The following KLHL15 variants were observed in gnomAD, a reference collection of about 807,000 sequenced individuals.
KLHL15 encodes kelch-like protein 15.
KLHL15 carries 1 observed loss-of-function variant against 29.3 expected under a neutral mutation model. That is an observed-to-expected ratio of 0.03 (90% CI 0.01 to 0.16). KLHL15 has a LOEUF of 0.16. KLHL15 is among the 10% of genes least tolerant of loss of function. The pLI is 1.00. For synonymous variants in KLHL15, 212 were observed against 184.5 expected, an observed-to-expected ratio of 1.15 and a Z score of -1.21; for missense variants, 215 against 478.5, an observed-to-expected ratio of 0.45 and a Z score of 5.14.
intron 3 of KLHL15, among the ~76,000 whole-genome samples, chrX:23,996,439 C>T (rs768465353): frequency 9.0e-6 from 1 of 111,541 alleles, no homozygotes; most frequent in African/African-American, 3.3e-5. Context: ...GCCAGGCGAG[C>T]GGATCATGAG....
Position 23,987,212 on chromosome X carries a change from G to A in KLHL15, c.*709C>T, listed in dbSNP as rs1929002596. ...TAAAAATGTTAATATGTGAAAAGACGTTACATCTAAAATTCAACAAGTATG... is the reference window on the plus strand; with the variant it reads ...TAAAAATGTTAATATGTGAAAAGACATTACATCTAAAATTCAACAAGTATG... On this transcript the variant is annotated 3_prime_UTR_variant, in exon 4 of 4. Coordinates refer to ENST00000328046, the MANE Select transcript of KLHL15 (RefSeq NM_030624.3). The A allele has an allele frequency of 9.0e-6, 1 of 111,708 alleles. No homozygotes were observed. The highest frequency in any genetic ancestry group is 3.2e-5 in the African/African-American group (1 of 30,821). The allele number at this position is 111,708 out of a possible 1,213,427, so 9.2% of individuals were successfully genotyped here. A position where few individuals can be genotyped will look rare whatever the true frequency, so the allele number is the denominator to read the frequency against.
At chrX:24,024,165 G>A (rs1246879154) in intron 2 of KLHL15, among the ~76,000 whole-genome samples, 2 of 112,041 alleles carry the variant, frequency 1.8e-5, no homozygotes, top group East Asian at 5.5e-4. Flanking sequence ...ATTTAAATAA[G>A]CAGTTAGCAC....
At position 23,987,822 on chromosome X, in the gene KLHL15, G is replaced by T; in HGVS notation, c.*99C>A. On this transcript the variant is annotated 3_prime_UTR_variant, in exon 4 of 4. Coordinates refer to ENST00000328046, the MANE Select transcript of KLHL15 (RefSeq NM_030624.3). The stretch of plus-strand genomic sequence containing the variant: ...CTTACAATGTTAGACCAATGGCTTT[G>T]ATAGTAAAACTGGTGAGGTTTTTCT... 2 of 804,774 alleles carry T rather than the reference G, an allele frequency of 2.5e-6. No homozygotes were observed. Among genetic ancestry groups the T allele is most frequent in the Non-Finnish European group, 3.5e-6 (2 of 564,287 alleles). The allele number at this position is 804,774 out of a possible 1,213,427, so 66.3% of individuals were successfully genotyped here. A position where few individuals can be genotyped will look rare whatever the true frequency, so the allele number is the denominator to read the frequency against.
At chrX:24,002,817 T>C (rs982669355) in intron 3 of KLHL15, among the ~76,000 whole-genome samples, 3 of 111,657 alleles carry the variant, frequency 2.7e-5, no homozygotes, top group Non-Finnish European at 5.7e-5. Context: ...TTTGTAGAGA[T>C]AGGTTTGCCT....
chrX:24,000,463 A>C (rs1429083526), intron 3 of KLHL15, among the ~76,000 whole-genome samples: 1 of 105,536 alleles, frequency 9.5e-6, no homozygotes, highest in Non-Finnish European at 1.9e-5. Flanking sequence ...ACTCCATCTC[A>C]AAATAAATAA....
At chrX:23,999,367 AGACG>A in intron 3 of KLHL15, among the ~76,000 whole-genome samples, 1 of 109,359 alleles carries the variant, frequency 9.1e-6, no homozygotes, top group Non-Finnish European at 1.9e-5. Context: ...AGGCCGAGGC[AGACG>A]GATCACGAGG....
At chrX:24,005,271 T>C (rs1193974563) in intron 3 of KLHL15, among the ~76,000 whole-genome samples, 2 of 112,361 alleles carry the variant, frequency 1.8e-5, no homozygotes, top group Admixed American at 1.9e-4. Flanking sequence ...CCAAGGCTGT[T>C]TCAGAGAAAG....
At chrX:24,008,018 T>C (rs1929490306) in intron 2 of KLHL15, among the ~76,000 whole-genome samples, 1 of 111,427 alleles carries the variant, frequency 9.0e-6, no homozygotes, top group African/African-American at 3.3e-5. Context: ...TGGAGAAATA[T>C]ATACCAAAAT....
At chrX:24,014,674 G>A (rs1163498191) in intron 2 of KLHL15, among the ~76,000 whole-genome samples, 1 of 111,608 alleles carries the variant, frequency 9.0e-6, no homozygotes, top group Non-Finnish European at 1.9e-5. Context: ...CATATGTAAA[G>A]ACAGCTCCTG....
chrX:23,995,119 C>T (rs62584915), intron 3 of KLHL15, among the ~76,000 whole-genome samples: 3,602 of 111,565 alleles, frequency 0.032, 72 homozygotes, highest in Non-Finnish European at 0.053. Flanking sequence ...CACACACACA[C>T]GCATATATAC....
Position 23,987,836 on chromosome X carries a change from T to A in KLHL15, c.*85A>T. On this transcript the variant is annotated 3_prime_UTR_variant, in exon 4 of 4. Transcript: ENST00000328046. Reference sequence around the variant, plus strand: ...CCAATGGCTTTGATAGTAAAACTGGTGAGGTTTTTCTTTATATGTTTTAAT... The same window carrying A: ...CCAATGGCTTTGATAGTAAAACTGGAGAGGTTTTTCTTTATATGTTTTAAT... 1.1e-6 allele frequency: 1 copy of A among 889,985 alleles called. No homozygotes were observed. Among genetic ancestry groups the A allele is most frequent in the Non-Finnish European group, 1.6e-6 (1 of 639,956 alleles). 73.3% of individuals were successfully genotyped at this position (889,985 alleles called of 1,213,427 possible).
At chrX:24,016,201 A>G (rs1298121854) in intron 2 of KLHL15, among the ~76,000 whole-genome samples, 6 of 104,269 alleles carry the variant, frequency 5.8e-5, no homozygotes, top group East Asian at 6.0e-4. Context: ...TTAGCTGGGC[A>G]TGGTGGCAGG....
intron 3 of KLHL15, 151 bp downstream of exon 3, chrX:24,005,838 T>G (rs919699531): frequency 4.7e-6 from 2 of 429,066 alleles, no homozygotes; most frequent in African/African-American, 4.9e-5. Context: ...ATACATAAAG[T>G]ACTCTTATGT....
chrX:24,022,068 G>A (rs1352338601), intron 2 of KLHL15, among the ~76,000 whole-genome samples: 1 of 111,091 alleles, frequency 9.0e-6, no homozygotes, highest in Non-Finnish European at 1.9e-5. Flanking sequence ...GCCGGGCGCG[G>A]TGGCTCATGT....
chrX:24,011,038 A>C (rs1279684063), intron 2 of KLHL15, among the ~76,000 whole-genome samples: 3 of 109,489 alleles, frequency 2.7e-5, no homozygotes, highest in Non-Finnish European at 1.9e-5. Flanking sequence ...CCACTTCTCC[A>C]CTCTCATGAA....
chrX:23,995,894 CA>C (rs1399111507), intron 3 of KLHL15, among the ~76,000 whole-genome samples: 1 of 110,884 alleles, frequency 9.0e-6, no homozygotes. Flanking sequence ...ATTACAGGCA[CA>C]TGCCACCATG....
At position 23,986,340 on chromosome X, in the gene KLHL15, T is replaced by C. The variant is rs1322782146; in HGVS notation, c.*1581A>G. The C allele has an allele frequency of 9.0e-6, 1 of 111,567 alleles. No homozygotes were observed. Among genetic ancestry groups the C allele is most frequent in the Non-Finnish European group, 1.9e-5 (1 of 52,994 alleles). The allele number at this position is 111,567 out of a possible 1,213,427, so 9.2% of individuals were successfully genotyped here. A position where few individuals can be genotyped will look rare whatever the true frequency, so the allele number is the denominator to read the frequency against. On this transcript the variant is annotated 3_prime_UTR_variant, in exon 4 of 4. Coordinates refer to ENST00000328046, the MANE Select transcript of KLHL15 (RefSeq NM_030624.3). ...CACCAAACAAAGTGAAACTAGAAAA[T>C]TTATACATCAGCAGCCATATAGAAG...
chrX:24,025,569 C>T, intron 1 of KLHL15, among the ~76,000 whole-genome samples: 1 of 108,689 alleles, frequency 9.2e-6, no homozygotes, highest in South Asian at 3.8e-4. Flanking sequence ...CCCGGGAGGC[C>T]CCCCCCTCGG....
chrX:24,005,299 T>G (rs1047749052), intron 3 of KLHL15, among the ~76,000 whole-genome samples: 18 of 112,486 alleles, frequency 1.6e-4, no homozygotes, highest in African/African-American at 5.5e-4. Context: ...TTAAGAGAAC[T>G]ATTTGCATGG....
Sources: allele counts gnomAD v4.1 joint callset (sites outside exome capture counted in the v4.1 genomes callset), GRCh38; gene constraint gnomAD v4.1.1; transcripts MANE v1.5; gene names NCBI Gene and HGNC (gene_info 2026-07-23, HGNC 2026-07-21).